Variants in MLANA observed in about 807,000 individuals in gnomAD.
MLANA encodes the protein melanoma antigen recognized by T-cells 1.
A neutral mutation model predicts 15.7 loss-of-function variants in MLANA; 21 were observed. The ratio of observed to expected loss-of-function variants is 1.33; its 90% CI spans 0.95 to 1.92. The LOEUF is 1.92. Ranked by LOEUF, MLANA falls within the 40% of genes most tolerant of loss-of-function variation. MLANA has a pLI of 0.00. For missense variants in MLANA, 164 were observed against 143.8 expected (o/e 1.14, Z -0.72); for synonymous variants, 56 against 51.5 (o/e 1.09, Z -0.37).
chr9:5,899,396 C>T (rs1473188958), intron 3 of MLANA: 1 of 152,108 alleles, frequency 6.6e-6, no homozygotes, highest in Non-Finnish European at 1.5e-5. Flanking sequence ...TCTCCTGTTC[C>T]CCAATGTCTT....
intron 2 of MLANA, among the ~76,000 whole-genome samples, chr9:5,895,611 T>C (rs1426338957): frequency 6.6e-6 from 1 of 152,226 alleles, no homozygotes. Flanking sequence ...TGGAGAGCAG[T>C]TCTCACAGTT....
At chr9:5,895,161 C>T (rs1208028638) in intron 2 of MLANA, among the ~76,000 whole-genome samples, 2 of 152,192 alleles carry the variant, frequency 1.3e-5, no homozygotes, top group African/African-American at 4.8e-5. Flanking sequence ...ATGGCCAAAG[C>T]TTCCAGCACA....
intron 4 of MLANA, 96 bp downstream of exon 4, chr9:5,907,094 AAT>A: frequency 1.2e-6 from 1 of 808,392 alleles, no homozygotes; most frequent in Non-Finnish European, 1.9e-6. Flanking sequence ...GGACAATGTG[AAT>A]GTACTCATTG....
At chr9:5,895,795 A>C (rs1399164079) in intron 2 of MLANA, among the ~76,000 whole-genome samples, 5 of 152,236 alleles carry the variant, frequency 3.3e-5, no homozygotes, top group Admixed American at 3.3e-4. Flanking sequence ...CGCCCTGCCA[A>C]GCTGGGCAGT....
intron 1 of MLANA, among the ~76,000 whole-genome samples, chr9:5,892,236 T>C (rs920971738): frequency 1.3e-5 from 2 of 152,152 alleles, no homozygotes; most frequent in Admixed American, 1.3e-4. Flanking sequence ...TGAACTTAAT[T>C]TTCAGTTAGT....
chr9:5,906,198 AAG>A (rs1832795495), intron 3 of MLANA, among the ~76,000 whole-genome samples: 1 of 151,002 alleles, frequency 6.6e-6, no homozygotes. Flanking sequence ...AAAAAAAAAA[AAG>A]AAAGAAAGAA....
Position 5,909,717 on chromosome 9 carries a change from G to A in MLANA, c.*1009G>A, listed in dbSNP as rs1482188041. 1 of 152,190 alleles carries A rather than the reference G, an allele frequency of 6.6e-6. No homozygotes were observed. The highest frequency in any genetic ancestry group is 1.5e-5 in the Non-Finnish European group (1 of 68,034). The allele number at this position is 152,190 out of a possible 1,614,324, so 9.4% of individuals were successfully genotyped here. A position where few individuals can be genotyped will look rare whatever the true frequency, so the allele number is the denominator to read the frequency against. On this transcript the variant is annotated 3_prime_UTR_variant, in exon 5 of 5. Transcript: ENST00000381477. ...TACTATGTACTGCCTTAGTGCTGAT[G>A]CCTGTGTACTGCCTTAAATGTACCT...
chr9:5,900,102 A>G (rs1398110527), intron 3 of MLANA, among the ~76,000 whole-genome samples: 1 of 152,244 alleles, frequency 6.6e-6, no homozygotes, highest in Non-Finnish European at 1.5e-5. Flanking sequence ...TTTCCTAACT[A>G]TAATTATTAG....
Position 5,901,701 on chromosome 9 carries a change from C to A in MLANA, c.174+4048C>A, listed in dbSNP as rs541045122. 6.6e-5 allele frequency among the ~76,000 whole-genome samples: 10 copies of A among 150,610 alleles called. 1 individual carries two copies. Among genetic ancestry groups the A allele is most frequent in the African/African-American group, 2.4e-4 (10 of 41,000 alleles). On this transcript the variant is annotated intron_variant, in intron 3 of 4. Transcript: ENST00000381477. ...GCCTGGCTAAATTTTTTTGTATTTT[C>A]GGTAGAGATGGGGTTTCACCATGTT... is the stretch of plus-strand genomic sequence containing the variant.
chr9:5,898,068 T>C (rs1364424818), intron 3 of MLANA: 1 of 170,188 alleles, frequency 5.9e-6, no homozygotes, highest in Non-Finnish European at 1.3e-5. Flanking sequence ...ATTTTTTTTT[T>C]TTCTTGAAAC....
intron 1 of MLANA, among the ~76,000 whole-genome samples, chr9:5,891,790 T>A (rs185249017): frequency 6.6e-6 from 1 of 152,124 alleles, no homozygotes; most frequent in African/African-American, 2.4e-5. Flanking sequence ...GGGAAACACA[T>A]TGTTAGATAA....
chr9:5,908,704 C>G lies in MLANA; in HGVS notation c.353C>G (p.Pro118Arg). The G allele has an allele frequency of 1.9e-6, 3 of 1,613,760 alleles. No individual in the cohort carries two copies. The highest frequency in any genetic ancestry group is 2.5e-6 in the Non-Finnish European group (3 of 1,179,734). ...SAEQSPPPYS[P>R] ...GAACAGTCACCACCACCTTATTCAC[C>G]TTAAGAGCCAGCGAGACACCTGAGA... The change falls in exon 5 of 5, where the codon CCT (proline) becomes CGT (arginine). Residue 118 changes from proline (P) to arginine (R), a missense_variant. Pro to Arg is a moderately radical substitution (Grantham distance 103, BLOSUM62 -2). Transcript: ENST00000381477.
At position 5,909,902 on chromosome 9, in the gene MLANA, T is replaced by A. The variant is rs1285774630; in HGVS notation, c.*1194T>A. The A allele has an allele frequency of 1.3e-5, 2 of 152,258 alleles. No homozygotes were observed. Among genetic ancestry groups the A allele is most frequent in the Admixed American group, 6.5e-5 (1 of 15,284 alleles). The allele number at this position is 152,258 out of a possible 1,614,324, so 9.4% of individuals were successfully genotyped here. The stretch of plus-strand genomic sequence containing the variant: ...TCAACGTATCACCTACACTATTATT[T>A]ATCTAATATTTCTCTTTCAGGCAGC... On this transcript the variant is annotated 3_prime_UTR_variant, in exon 5 of 5. Coordinates refer to ENST00000381477, the MANE Select transcript of MLANA (RefSeq NM_005511.2).
chr9:5,893,720 T>C (rs1831816920), intron 2 of MLANA, among the ~76,000 whole-genome samples: 1 of 151,978 alleles, frequency 6.6e-6, no homozygotes, highest in Non-Finnish European at 1.5e-5. Flanking sequence ...AATTCAAGAG[T>C]AAAGAGTTCA....
At chr9:5,903,104 T>C (rs1024186586) in intron 3 of MLANA, among the ~76,000 whole-genome samples, 6 of 143,850 alleles carry the variant, frequency 4.2e-5, no homozygotes, top group African/African-American at 1.5e-4. Flanking sequence ...TAGAAGTGTG[T>C]TGTTTAATCT....
chr9:5,908,233 G>A (rs1832940732), intron 4 of MLANA, among the ~76,000 whole-genome samples: 1 of 152,122 alleles, frequency 6.6e-6, no homozygotes. Context: ...ATTTGTTCTG[G>A]ATACAATATC....
At chr9:5,895,540 C>T (rs1831956154) in intron 2 of MLANA, among the ~76,000 whole-genome samples, 1 of 152,202 alleles carries the variant, frequency 6.6e-6, no homozygotes. Context: ...TAAGTTCCCA[C>T]ATCCAGCCAA....
intron 4 of MLANA, among the ~76,000 whole-genome samples, chr9:5,908,062 G>T (rs1832931150): frequency 6.6e-6 from 1 of 152,198 alleles, no homozygotes; most frequent in Non-Finnish European, 1.5e-5. Context: ...ACTGACTCTG[G>T]AGCCAAATTA....
intron 3 of MLANA, chr9:5,898,302 T>G (rs1832174923): frequency 6.6e-6 from 1 of 152,634 alleles, no homozygotes; most frequent in East Asian, 1.9e-4. Flanking sequence ...TGCCTCGGCC[T>G]CCCAAAGTGT....
Sources: gnomAD v4.1 joint callset for allele counts (sites outside exome capture counted in the v4.1 genomes callset) on GRCh38, gnomAD v4.1.1 for gene constraint, MANE v1.5 for transcripts, NCBI Gene and HGNC (gene_info 2026-07-23, HGNC 2026-07-21) for gene names.